TBC1D1: variants seen among roughly 807,000 people sequenced by gnomAD.
TBC1D1 encodes TBC1 domain family member 1, also known as TBC1 (tre-2/USP6, BUB2, cdc16) domain family, member 1.
In TBC1D1, 89 loss-of-function variants were observed where a neutral mutation model predicts 125.6. The ratio of observed to expected loss-of-function variants is 0.71; its 90% CI spans 0.60 to 0.85. TBC1D1 has a LOEUF of 0.85. Ranked by LOEUF, TBC1D1 falls within the 40% of genes least tolerant of loss-of-function variation. The pLI, the probability that TBC1D1 is intolerant of heterozygous loss-of-function variation, is 0.00. For missense variants in TBC1D1, 1,377 were observed against 1,469.2 expected (o/e 0.94, Z 1.03); for synonymous variants, 565 against 564.1 (o/e 1.00, Z -0.02).
At chr4:38,006,406 A>G (rs1241895587) in intron 2 of TBC1D1, among the ~76,000 whole-genome samples, 1 of 152,106 alleles carries the variant, frequency 6.6e-6, no homozygotes, top group African/African-American at 2.4e-5. Context: ...ATATGTGGAA[A>G]GACAGTAGAT....
At chr4:37,921,334 A>C (rs1039034882) in intron 2 of TBC1D1, among the ~76,000 whole-genome samples, 1 of 147,512 alleles carries the variant, frequency 6.8e-6, no homozygotes, top group Non-Finnish European at 1.5e-5. Flanking sequence ...CTTCCAACCC[A>C]GGAAAAAAAA....
chr4:38,038,126 G>A (rs1367876833), intron 8 of TBC1D1, among the ~76,000 whole-genome samples: 1 of 152,204 alleles, frequency 6.6e-6, no homozygotes, highest in Non-Finnish European at 1.5e-5. Context: ...GGGAAGAGCA[G>A]TCAAGCAGTT....
intron 2 of TBC1D1, among the ~76,000 whole-genome samples, chr4:37,929,518 A>T (rs546317844): frequency 1.3e-5 from 2 of 152,316 alleles, no homozygotes; most frequent in East Asian, 3.9e-4. Context: ...GGTGATCCTG[A>T]TGCAGGTGGT....
At chr4:37,898,750 A>G (rs3893296) in intron 1 of TBC1D1, among the ~76,000 whole-genome samples, 1 of 151,960 alleles carries the variant, frequency 6.6e-6, no homozygotes, top group Non-Finnish European at 1.5e-5. Context: ...TACCAGCAGG[A>G]TAACTGTGGC....
chr4:37,920,082 C>T (rs1720623424), intron 2 of TBC1D1, among the ~76,000 whole-genome samples: 1 of 152,210 alleles, frequency 6.6e-6, no homozygotes, highest in Non-Finnish European at 1.5e-5. Context: ...CACTGCACTC[C>T]GGCCTGTGCC....
At chr4:38,036,288 G>C (rs549078916) in intron 8 of TBC1D1, among the ~76,000 whole-genome samples, 1 of 152,292 alleles carries the variant, frequency 6.6e-6, no homozygotes, top group South Asian at 2.1e-4. Flanking sequence ...GCTCTCTGCA[G>C]ATCTCTCCCT....
chr4:37,931,817 C>A (rs1037650387), intron 2 of TBC1D1, among the ~76,000 whole-genome samples: 2 of 152,182 alleles, frequency 1.3e-5, no homozygotes, highest in Non-Finnish European at 2.9e-5. Flanking sequence ...TTCATTCACA[C>A]AAGAAGTTTT....
At chr4:37,992,447 A>G (rs1264805200) in intron 2 of TBC1D1, among the ~76,000 whole-genome samples, 2 of 151,738 alleles carry the variant, frequency 1.3e-5, no homozygotes, top group African/African-American at 4.8e-5. Context: ...GGAAAAGAGA[A>G]TGAGCTTGAT....
chr4:37,941,360 G>A (rs574826322), intron 2 of TBC1D1, among the ~76,000 whole-genome samples: 58 of 152,166 alleles, frequency 3.8e-4, no homozygotes, highest in Middle Eastern at 3.4e-3. Flanking sequence ...CTGTGGGATC[G>A]GTGGTGATAT....
intron 2 of TBC1D1, among the ~76,000 whole-genome samples, chr4:37,936,999 A>G (rs1363626900): frequency 2.6e-5 from 4 of 152,226 alleles, no homozygotes; most frequent in African/African-American, 9.6e-5. Flanking sequence ...CAGAAAATCA[A>G]GCCTGGCAAA....
chr4:38,033,809 T>G (rs747783417), intron 7 of TBC1D1, among the ~76,000 whole-genome samples: 1 of 152,242 alleles, frequency 6.6e-6, no homozygotes, highest in Non-Finnish European at 1.5e-5. Context: ...CTTTTCAGAC[T>G]GGCTTCTTTT....
rs1733394745 is a variant in TBC1D1, at chr4:37,977,446, C to G, written c.418-37063C>G. On this transcript the variant is annotated intron_variant, in intron 2 of 19. Transcript: ENST00000261439. This position sits in a 1 kb window ranked among gnomAD's most constrained non-coding sequence, Gnocchi z 4.3. ...CCCGGCCGCCCGCGGGCCCACGGGC[C>G]GGCGGCGGGAGTGAGCGGGAGCCGG... 1.0e-6 allele frequency: 1 copy of G among 981,522 alleles called. No homozygotes were observed. The highest frequency in any genetic ancestry group is 1.2e-6 in the Non-Finnish European group (1 of 824,424). 60.8% of individuals were successfully genotyped at this position (981,522 alleles called of 1,614,324 possible). A position where few individuals can be genotyped will look rare whatever the true frequency, so the allele number is the denominator to read the frequency against.
chr4:38,072,362 T>C (rs1754845524), intron 12 of TBC1D1, among the ~76,000 whole-genome samples: 1 of 152,242 alleles, frequency 6.6e-6, no homozygotes, highest in African/African-American at 2.4e-5. Flanking sequence ...AGGCCAGAGT[T>C]TTAAATGTGG....
At chr4:38,048,863 C>T (rs542100159) in intron 10 of TBC1D1, among the ~76,000 whole-genome samples, 1 of 152,284 alleles carries the variant, frequency 6.6e-6, no homozygotes, top group South Asian at 2.1e-4. Flanking sequence ...AGGCATACAA[C>T]TTTAAAATAT....
At chr4:37,895,939 G>A (rs1714469875) in intron 1 of TBC1D1, among the ~76,000 whole-genome samples, 1 of 152,182 alleles carries the variant, frequency 6.6e-6, no homozygotes, top group Non-Finnish European at 1.5e-5. Context: ...GAATCCTGTG[G>A]AGGAAGTGGA....
intron 12 of TBC1D1, among the ~76,000 whole-genome samples, chr4:38,070,285 A>G (rs1754479112): frequency 6.6e-6 from 1 of 152,228 alleles, no homozygotes; most frequent in Admixed American, 6.5e-5. Context: ...TTTGATTAAT[A>G]TATTTATCCT....
chr4:38,081,996 T>C (rs1369065006), intron 12 of TBC1D1, among the ~76,000 whole-genome samples: 1 of 152,190 alleles, frequency 6.6e-6, no homozygotes, highest in Non-Finnish European at 1.5e-5. Context: ...GCTTATCCGT[T>C]GGTGGTGAAG....
At chr4:38,130,539 C>G (rs904277745) in intron 18 of TBC1D1, among the ~76,000 whole-genome samples, 2 of 152,174 alleles carry the variant, frequency 1.3e-5, no homozygotes, top group African/African-American at 4.8e-5. Flanking sequence ...CAGGAAGGCT[C>G]TAGATCCCCA....
intron 15 of TBC1D1, among the ~76,000 whole-genome samples, chr4:38,107,510 G>A (rs1360391018): frequency 7.1e-6 from 1 of 141,614 alleles, no homozygotes; most frequent in African/African-American, 2.6e-5. Context: ...TATATTTTGA[G>A]TTTTCATGGG....
Sources: allele counts gnomAD v4.1 joint callset (sites outside exome capture counted in the v4.1 genomes callset), GRCh38; gene constraint gnomAD v4.1.1; non-coding constraint Gnocchi (gnomAD v3.1); transcripts MANE v1.5; gene names NCBI Gene and HGNC (gene_info 2026-07-23, HGNC 2026-07-21).